Variants in EDNRB observed in about 807,000 individuals in gnomAD.
EDNRB encodes endothelin receptor type B.
In EDNRB, 18 loss-of-function variants were observed where a neutral mutation model predicts 46.4. The observed-to-expected ratio is 0.39, with a 90% CI of 0.27 to 0.57. EDNRB has a LOEUF of 0.57. EDNRB is among the 20% of genes least tolerant of loss of function. The pLI is 0.61. For synonymous variants in EDNRB, 213 were observed against 204.9 expected (o/e 1.04, Z -0.34); for missense variants, 434 against 537.5 (o/e 0.81, Z 1.90).
intron 1 of EDNRB, among the ~76,000 whole-genome samples, chr13:77,908,078 G>A (rs1259083791): frequency 6.9e-6 from 1 of 144,046 alleles, no homozygotes; most frequent in African/African-American, 2.6e-5. Context: ...TCAGCTTTCA[G>A]CATTTCATGC....
intron 1 of EDNRB, among the ~76,000 whole-genome samples, chr13:77,958,422 G>A (rs1370939930): frequency 1.3e-5 from 2 of 151,908 alleles, no homozygotes; most frequent in Non-Finnish European, 2.9e-5. Context: ...TCCCAGGCTG[G>A]AGCGCAGTGG....
chr13:77,965,100 T>C (rs1881543787), intron 1 of EDNRB, among the ~76,000 whole-genome samples: 1 of 152,228 alleles, frequency 6.6e-6, no homozygotes, highest in Non-Finnish European at 1.5e-5. Context: ...GCTATGAACC[T>C]GTCCTAGAAA....
chr13:77,903,089 C>A, intron 3 of EDNRB, 67 bp downstream of exon 3: 1 of 1,546,256 alleles, frequency 6.5e-7, no homozygotes, highest in African/African-American at 1.4e-5. Context: ...GAGTGGGGAA[C>A]AGGGGAAAAA....
In EDNRB at chr13:77,898,186, G is replaced by A; in HGVS notation, c.*14C>T. On this transcript the variant is annotated 3_prime_UTR_variant, in exon 7 of 7. Coordinates refer to ENST00000646607, the MANE Select transcript of EDNRB (RefSeq NM_001122659.3). ...CAATATAAAGAAAATGAAATACAGT[G>A]AATAGTTCTTCTTTCAAGATGAGCT... The A allele has an allele frequency of 5.6e-6, 9 of 1,610,312 alleles. No individual in the cohort carries two copies. The highest frequency in any genetic ancestry group is 5.1e-6 in the Non-Finnish European group (6 of 1,178,002).
chr13:77,966,322 C>T (rs866714035), intron 1 of EDNRB, among the ~76,000 whole-genome samples: 1 of 152,142 alleles, frequency 6.6e-6, no homozygotes, highest in Non-Finnish European at 1.5e-5. Flanking sequence ...CCTGTGCCCC[C>T]ACAAAAGCAT....
At chr13:77,941,046 CT>C (rs1880730208) in intron 1 of EDNRB, among the ~76,000 whole-genome samples, 1 of 152,150 alleles carries the variant, frequency 6.6e-6, no homozygotes, top group Non-Finnish European at 1.5e-5. Context: ...TGGGAGATAC[CT>C]AGGTGTGATA....
In EDNRB at chr13:77,918,791, G is replaced by A. The variant is rs1177437526; in HGVS notation, c.-218C>T. ...TTGGCGCTCATGACTCGCCAGCGCG[G>A]GTCGAAACTCCTTCCTGATGCCCTC... is the stretch of plus-strand genomic sequence containing the variant. On this transcript the variant is annotated 5_prime_UTR_variant, in exon 1 of 7. Coordinates refer to ENST00000646607, the MANE Select transcript of EDNRB (RefSeq NM_001122659.3). This position sits in a 1 kb window ranked among gnomAD's most constrained non-coding sequence, Gnocchi z 4.5. 7.6e-7 allele frequency: 1 copy of A among 1,321,772 alleles called. No individual in the cohort carries two copies. Among genetic ancestry groups the A allele is most frequent in the Non-Finnish European group, 9.6e-7 (1 of 1,041,382 alleles). The allele number at this position is 1,321,772 out of a possible 1,614,324, so 81.9% of individuals were successfully genotyped here.
rs748181676 is a variant in EDNRB, at chr13:77,918,366, C to T, written c.208G>A (p.Glu70Lys). 1.9e-5 allele frequency: 31 copies of T among 1,609,466 alleles called. No homozygotes were observed. The East Asian group carries it at 6.9e-4, about 36-fold the overall frequency. Residue 70 changes from glutamate to lysine, a missense_variant, in exon 1 of 7, where the codon GAG becomes AAG. Coordinates refer to ENST00000646607, the MANE Select transcript of EDNRB (RefSeq NM_001122659.3). The surrounding 1 kb of genome is among the most constrained non-coding windows in gnomAD (Gnocchi z 4.5). ...GCCGTCCTGTCTCCTTTAGGCACCT[C>T]CGCAGGTGCCAACGACCGCGCCAGA... ...ASLARSLAPA[E>K]VPKGDRTAGS... is the part of the protein sequence containing the mutation.
At chr13:77,943,962 A>C (rs987471882) in intron 1 of EDNRB, among the ~76,000 whole-genome samples, 4 of 152,102 alleles carry the variant, frequency 2.6e-5, no homozygotes, top group Admixed American at 1.3e-4. Context: ...ATTTCAGAAA[A>C]CCCAGGAAAG....
chr13:77,915,525 A>T (rs1453510723), intron 1 of EDNRB, among the ~76,000 whole-genome samples: 1 of 152,170 alleles, frequency 6.6e-6, no homozygotes, highest in African/African-American at 2.4e-5. Context: ...CAGTTTCATT[A>T]CTTTGTAGTG....
chr13:77,913,714 G>A, intron 1 of EDNRB, among the ~76,000 whole-genome samples: 1 of 152,064 alleles, frequency 6.6e-6, no homozygotes, highest in South Asian at 2.1e-4. Context: ...AGCAAACCAA[G>A]CCAAATCAAC....
chr13:77,919,546 A>G (rs545687118), upstream of EDNRB: 8 of 1,612,718 alleles, frequency 5.0e-6, no homozygotes, highest in East Asian at 2.2e-5. Context: ...CGCTGCGAGA[A>G]TGCCAGACAG....
At chr13:77,961,204 C>A (rs920668542) in intron 1 of EDNRB, among the ~76,000 whole-genome samples, 3 of 152,100 alleles carry the variant, frequency 2.0e-5, no homozygotes, top group African/African-American at 7.2e-5. Context: ...TAATAGACAT[C>A]TACAGAACTC....
At chr13:77,972,115 C>T (rs1288137797) in intron 1 of EDNRB, among the ~76,000 whole-genome samples, 1 of 152,166 alleles carries the variant, frequency 6.6e-6, no homozygotes, top group East Asian at 1.9e-4. Flanking sequence ...GGGGGCTGAC[C>T]CACAGGGTGC....
intron 1 of EDNRB, among the ~76,000 whole-genome samples, chr13:77,955,457 A>G (rs764905159): frequency 1.3e-5 from 2 of 152,146 alleles, no homozygotes; most frequent in African/African-American, 4.8e-5. Flanking sequence ...TTTGCCATGC[A>G]AAAGTATTTA....
intron 1 of EDNRB, among the ~76,000 whole-genome samples, chr13:77,904,356 C>T (rs954330762): frequency 6.6e-6 from 1 of 151,988 alleles, no homozygotes; most frequent in Non-Finnish European, 1.5e-5. Flanking sequence ...TATCCATAGT[C>T]TATCAATTCC....
chr13:77,931,410 T>C (rs757975527), intron 1 of EDNRB, among the ~76,000 whole-genome samples: 3 of 152,174 alleles, frequency 2.0e-5, no homozygotes, highest in Admixed American at 2.0e-4. Flanking sequence ...CAAAGACTAT[T>C]TTTGTATGAT....
At chr13:77,926,683 C>T (rs1880247946) in intron 1 of EDNRB, among the ~76,000 whole-genome samples, 1 of 152,176 alleles carries the variant, frequency 6.6e-6, no homozygotes, top group African/African-American at 2.4e-5. Flanking sequence ...TCCACCTCTG[C>T]GTGTTATCCA....
Position 77,895,673 on chromosome 13 carries a change from G to T in EDNRB, c.*2527C>A, listed in dbSNP as rs1878583787. ...AAAAACTTAAATTTTTATTGGTTTT[G>T]CTTACATAATAAAAAATCAGTAACT... On this transcript the variant is annotated 3_prime_UTR_variant, in exon 7 of 7. Coordinates refer to ENST00000646607, the MANE Select transcript of EDNRB (RefSeq NM_001122659.3). 6.6e-6 allele frequency: 1 copy of T among 151,880 alleles called. No individual in the cohort carries two copies. The highest frequency in any genetic ancestry group is 2.4e-5 in the African/African-American group (1 of 41,390). 9.4% of individuals were successfully genotyped at this position (151,880 alleles called of 1,614,324 possible). A position where few individuals can be genotyped will look rare whatever the true frequency, so the allele number is the denominator to read the frequency against.
Sources: allele counts gnomAD v4.1 joint callset (sites outside exome capture counted in the v4.1 genomes callset), GRCh38; gene constraint gnomAD v4.1.1; non-coding constraint Gnocchi (gnomAD v3.1); transcripts MANE v1.5; gene names NCBI Gene and HGNC (gene_info 2026-07-23, HGNC 2026-07-21).